GON4L: variants seen among roughly 807,000 people sequenced by gnomAD.
The protein encoded by GON4L is gon-4 like.
In GON4L, 87 loss-of-function variants were observed where a neutral mutation model predicts 211.8. That is an observed-to-expected ratio of 0.41 (90% CI 0.35 to 0.49). The LOEUF (loss-of-function observed/expected upper bound fraction) is 0.49. Among genes scored for constraint, GON4L ranks in the 20% least tolerant of loss-of-function variants. The probability of loss-of-function intolerance (pLI) is 0.15; values close to 1 mark genes in which losing one functional copy is unlikely to be tolerated. For synonymous variants in GON4L, 875 were observed against 962.6 expected (o/e 0.91, Z 1.68); for missense variants, 2,155 against 2,659.5 (o/e 0.81, Z 4.17).
chr1:155,773,791 A>G (rs1256518348), intron 17 of GON4L, among the ~76,000 whole-genome samples: 1 of 152,194 alleles, frequency 6.6e-6, no homozygotes, highest in Non-Finnish European at 1.5e-5. Context: ...GCATTTCTAG[A>G]GACAAAACTA....
Position 155,765,245 on chromosome 1 carries a change from A to T in GON4L, c.4228T>A (p.Ser1410Thr), listed in dbSNP as rs1381694394. 2 of 1,614,156 alleles carry T rather than the reference A, an allele frequency of 1.2e-6. No individual in the cohort carries two copies. The highest frequency in any genetic ancestry group is 1.1e-5 in the South Asian group (1 of 91,082). ...GTSGTDVNKG[S>T]SKNALSSMDP... ...ATTGAGGACAAAGCATTCTTTGATG[A>T]TCCTTTGTTCACATCTGTCCCTGAG... The change falls in exon 21 of 32, where the codon TCA becomes ACA. Residue 1410 changes from serine (S) to threonine (T), a missense_variant. Physicochemically the swap from Ser to Thr is moderately conservative, Grantham distance 58. Around this residue, in one of 6 missense-constraint regions of GON4L, gnomAD observed 615 missense variants for 625.7 expected, o/e 0.98. Coordinates refer to ENST00000368331, the MANE Select transcript of GON4L (RefSeq NM_001282860.2).
chr1:155,760,004 T>C (rs1571634021), intron 24 of GON4L, among the ~76,000 whole-genome samples: 1 of 148,380 alleles, frequency 6.7e-6, no homozygotes, highest in African/African-American at 2.4e-5. Flanking sequence ...ATATATGTTT[T>C]CTGGAGTATC....
intron 10 of GON4L, among the ~76,000 whole-genome samples, chr1:155,805,714 T>TA (rs1357179351): frequency 6.6e-6 from 1 of 150,880 alleles, no homozygotes; most frequent in Non-Finnish European, 1.5e-5. Flanking sequence ...TTTTGAGACA[T>TA]AGTCTTGCTT....
intron 13 of GON4L, chr1:155,784,444 G>A: frequency 4.3e-6 from 1 of 232,974 alleles, no homozygotes; most frequent in Non-Finnish European, 7.9e-6. Context: ...GGAGTGCAGT[G>A]GCACAATCTG....
chr1:155,754,234 A>G (rs1197829593), intron 28 of GON4L, 141 bp downstream of exon 28: 3 of 712,182 alleles, frequency 4.2e-6, no homozygotes, highest in Non-Finnish European at 7.8e-6. Flanking sequence ...GATTCCATTT[A>G]TTTTGCATAT....
At chr1:155,804,187 G>C (rs1357657207) in intron 11 of GON4L, among the ~76,000 whole-genome samples, 1 of 151,852 alleles carries the variant, frequency 6.6e-6, no homozygotes, top group Non-Finnish European at 1.5e-5. Context: ...TTTAAGACCA[G>C]CCTGAGCAAC....
chr1:155,750,774 T>C, intron 31 of GON4L, 41 bp from the exon 32 acceptor site: 1 of 1,548,574 alleles, frequency 6.5e-7, no homozygotes, highest in Non-Finnish European at 8.7e-7. Flanking sequence ...TCTTTTTTTT[T>C]TGTTTTTGAG....
Position 155,765,460 on chromosome 1 carries a change from C to T in GON4L, c.4013G>A (p.Gly1338Glu). The T allele has an allele frequency of 6.2e-7, 1 of 1,614,174 alleles. No homozygotes were observed. Among genetic ancestry groups the T allele is most frequent in the Non-Finnish European group, 8.5e-7 (1 of 1,180,020 alleles). ...EPEEAREEIS[G>E]SPERDICDDI... The stretch of plus-strand genomic sequence containing the variant: ...ATCACAAATATCACGCTCAGGGGAT[C>T]CACTGATTTCCTCTCTAGCTTCTTC... Residue 1338 changes from glycine (G) to glutamate (E), a missense_variant, in exon 21 of 32, where the codon GGA becomes GAA. By Grantham distance (98) the Gly-to-Glu change is moderately conservative. Around this residue, in one of 6 missense-constraint regions of GON4L, gnomAD observed 615 missense variants for 625.7 expected, o/e 0.98. Coordinates refer to ENST00000368331, the MANE Select transcript of GON4L (RefSeq NM_001282860.2).
intron 11 of GON4L, among the ~76,000 whole-genome samples, chr1:155,795,836 G>C (rs186164729): frequency 2.2e-4 from 34 of 152,078 alleles, no homozygotes; most frequent in Non-Finnish European, 2.4e-4. Context: ...CAGGGTTTTG[G>C]TATGTTGCCC....
intron 13 of GON4L, chr1:155,785,059 C>T: frequency 2.1e-6 from 1 of 477,796 alleles, no homozygotes; most frequent in Non-Finnish European, 3.9e-6. Context: ...GTAATTTCAC[C>T]ACTGCACTCT....
At chr1:155,766,745 T>A in intron 20 of GON4L, 36 bp from the exon 21 acceptor site, 7 of 1,612,984 alleles carry the variant, frequency 4.3e-6, no homozygotes, top group Non-Finnish European at 5.1e-6. Context: ...CCAGCATATG[T>A]CAGAATTTGG....
chr1:155,784,100 A>G lies in GON4L; in HGVS notation c.1789-11T>C, dbSNP rs185583290. Reference sequence around the variant, plus strand: ...CATCTCATCTTGGAACTGTGGGCAAAGGAAAGGGAGGGTTTTCCTGGGGAA... The same window carrying G: ...CATCTCATCTTGGAACTGTGGGCAAGGGAAAGGGAGGGTTTTCCTGGGGAA... On this transcript the variant is annotated splice_polypyrimidine_tract_variant and intron_variant, in intron 13 of 31. Coordinates refer to ENST00000368331, the MANE Select transcript of GON4L (RefSeq NM_001282860.2). 7,304 of 1,613,460 alleles carry G rather than the reference A, an allele frequency of 4.5e-3. 17 individuals are homozygous for G. Among genetic ancestry groups the G allele is most frequent in the Non-Finnish European group, 5.4e-3 (6,340 of 1,179,436 alleles).
intron 2 of GON4L, among the ~76,000 whole-genome samples, chr1:155,840,971 G>T (rs557562374): frequency 3.9e-5 from 6 of 152,178 alleles, no homozygotes; most frequent in Non-Finnish European, 7.3e-5. Context: ...GGAGGCGGAG[G>T]TTGCGGTGAG....
chr1:155,806,298 G>A (rs112723624), intron 10 of GON4L, among the ~76,000 whole-genome samples: 296 of 151,944 alleles, frequency 1.9e-3, no homozygotes, highest in East Asian at 0.013. Context: ...GACTACAGGC[G>A]TGTGCCACCA....
rs765908566 is a variant in GON4L, at chr1:155,805,154, G to T, written c.1453-13C>A. ...TGTCATCCATGGGCTGGACAATGGA[G>T]AAAGAAAAGTCACTGAGTGAGTGAT... On this transcript the variant is annotated splice_polypyrimidine_tract_variant and intron_variant, in intron 10 of 31. Coordinates refer to ENST00000368331, the MANE Select transcript of GON4L (RefSeq NM_001282860.2). 15 of 1,591,152 alleles carry T rather than the reference G, an allele frequency of 9.4e-6. No homozygotes were observed. Among genetic ancestry groups the T allele is most frequent in the Non-Finnish European group, 1.3e-5 (15 of 1,159,186 alleles).
intron 2 of GON4L, among the ~76,000 whole-genome samples, chr1:155,851,779 G>A (rs113795017): frequency 1.3e-4 from 20 of 150,592 alleles, no homozygotes; most frequent in East Asian, 2.0e-4. Flanking sequence ...CTACTTAGAC[G>A]TTTAAATGAC....
At chr1:155,850,528 G>A (rs1284721480) in intron 2 of GON4L, among the ~76,000 whole-genome samples, 6 of 152,186 alleles carry the variant, frequency 3.9e-5, no homozygotes, top group Admixed American at 2.0e-4. Context: ...GGCAGCTCAT[G>A]CCAGAGAGGG....
chr1:155,803,238 T>C (rs1475949931), intron 11 of GON4L, among the ~76,000 whole-genome samples: 2 of 151,898 alleles, frequency 1.3e-5, no homozygotes, highest in Non-Finnish European at 2.9e-5. Flanking sequence ...ACTCAGTCTA[T>C]TTCTTTTTCT....
chr1:155,840,412 T>C (rs1002102578), intron 2 of GON4L, among the ~76,000 whole-genome samples: 2 of 152,164 alleles, frequency 1.3e-5, no homozygotes, highest in African/African-American at 4.8e-5. Flanking sequence ...TTTAACATCT[T>C]TTACAAATGC....
Sources: allele counts gnomAD v4.1 joint callset (sites outside exome capture counted in the v4.1 genomes callset), GRCh38; gene constraint gnomAD v4.1.1; regional missense constraint gnomAD v4.1.1; transcripts MANE v1.5; gene names NCBI Gene and HGNC (gene_info 2026-07-23, HGNC 2026-07-21).